The following PTPN1 variants were observed in gnomAD, a reference collection of about 807,000 sequenced individuals.
PTPN1 encodes the protein tyrosine-protein phosphatase non-receptor type 1.
A neutral mutation model predicts 59.9 loss-of-function variants in PTPN1; 12 were observed. The observed-to-expected ratio is 0.20, with a 90% confidence interval of 0.13 to 0.32. PTPN1 has a LOEUF of 0.32. Ranked by LOEUF, PTPN1 falls within the 10% of genes least tolerant of loss-of-function variation. The pLI is 1.00. For synonymous variants in PTPN1, 178 were observed against 203.6 expected (o/e 0.87, Z 1.07); for missense variants, 356 against 549.2 (o/e 0.65, Z 3.52).
intron 1 of PTPN1, among the ~76,000 whole-genome samples, chr20:50,520,778 C>T (rs2082547759): frequency 6.6e-6 from 1 of 152,108 alleles, no homozygotes; most frequent in African/African-American, 2.4e-5. Context: ...TGGAAGAAGA[C>T]GACTCAGGAA....
intron 6 of PTPN1, 53 bp downstream of exon 6, chr20:50,578,682 G>A (rs963846644): frequency 5.4e-6 from 8 of 1,475,706 alleles, no homozygotes; most frequent in South Asian, 1.2e-5. Context: ...GCTCTGCTGT[G>A]ATGTTTTTTC....
At position 50,510,499 on chromosome 20, in the gene PTPN1, A is replaced by G. The variant is rs1376059028; in HGVS notation, c.-29A>G. Reference sequence around the variant, plus strand: ...CGGCAGACGGCGCAGTGGGCCGAGAAGGAGGCGCAGCAGCCGCCCTGGCCC... The same window carrying G: ...CGGCAGACGGCGCAGTGGGCCGAGAGGGAGGCGCAGCAGCCGCCCTGGCCC... On this transcript the variant is annotated 5_prime_UTR_variant, in exon 1 of 10. Transcript: ENST00000371621. The G allele has an allele frequency of 2.6e-6, 4 of 1,547,868 alleles. No homozygotes were observed. In the South Asian group the frequency reaches 3.6e-5, roughly 14 times the overall value.
rs541392247 is a variant in PTPN1, at chr20:50,584,349, T to C, written c.*1634T>C. Reference sequence around the variant, plus strand: ...TTTTAAGTCCTGTATATGTATGTAGTAGTTTGGGTGTGTATATATAGTAGC... The same window carrying C: ...TTTTAAGTCCTGTATATGTATGTAGCAGTTTGGGTGTGTATATATAGTAGC... On this transcript the variant is annotated 3_prime_UTR_variant, in exon 10 of 10. Coordinates refer to ENST00000371621, the MANE Select transcript of PTPN1 (RefSeq NM_002827.4). The C allele has an allele frequency of 6.6e-6, 1 of 152,632 alleles. No homozygotes were observed. Among genetic ancestry groups the C allele is most frequent in the South Asian group, 2.1e-4 (1 of 4,828 alleles). 9.5% of individuals were successfully genotyped at this position (152,632 alleles called of 1,614,324 possible). A position where few individuals can be genotyped will look rare whatever the true frequency, so the allele number is the denominator to read the frequency against.
intron 5 of PTPN1, among the ~76,000 whole-genome samples, chr20:50,577,090 A>G (rs2082840516): frequency 6.6e-6 from 1 of 152,136 alleles, no homozygotes; most frequent in Admixed American, 6.5e-5. Context: ...GTGCCAAGAT[A>G]CTGTATTTAA....
intron 1 of PTPN1, among the ~76,000 whole-genome samples, chr20:50,528,208 T>G: frequency 6.6e-6 from 1 of 152,218 alleles, no homozygotes; most frequent in East Asian, 1.9e-4. Flanking sequence ...CAGGTCCAAG[T>G]TAACTGCCTT....
At chr20:50,554,515 G>A (rs1264134104) in intron 1 of PTPN1, among the ~76,000 whole-genome samples, 2 of 151,904 alleles carry the variant, frequency 1.3e-5, no homozygotes, top group African/African-American at 4.8e-5. Context: ...GAAGAGAAAT[G>A]ATAAAAGATG....
chr20:50,560,221 G>C (rs1484117793), intron 1 of PTPN1, among the ~76,000 whole-genome samples: 1 of 152,018 alleles, frequency 6.6e-6, no homozygotes, highest in African/African-American at 2.4e-5. Context: ...CCCATTTTTG[G>C]TGGAGCGCTC....
At chr20:50,574,295 TG>T in intron 4 of PTPN1, 1 of 503,348 alleles carries the variant, frequency 2.0e-6, no homozygotes, top group Non-Finnish European at 3.4e-6. Context: ...CCGATGGGTT[TG>T]GAAGTCTGAG....
intron 1 of PTPN1, among the ~76,000 whole-genome samples, chr20:50,549,897 A>T (rs1173621495): frequency 2.0e-5 from 3 of 152,084 alleles, no homozygotes; most frequent in African/African-American, 7.2e-5. Context: ...CATATATAGC[A>T]TTGCTTTTGA....
At chr20:50,569,739 TGTCCTGTGTAGACTGTCTCTGTAGACC>T (rs1192968006) in intron 4 of PTPN1, among the ~76,000 whole-genome samples, 1 of 152,194 alleles carries the variant, frequency 6.6e-6, no homozygotes, top group Non-Finnish European at 1.5e-5. Flanking sequence ...GTGTATAGAC[TGTCCTGTGTAGACTGTCTCTGTAGACC>T]GTCCTGTGTA....
At chr20:50,533,693 C>A (rs1160037529) in intron 1 of PTPN1, among the ~76,000 whole-genome samples, 5 of 152,018 alleles carry the variant, frequency 3.3e-5, no homozygotes, top group African/African-American at 7.3e-5. Context: ...CACCCTTGCC[C>A]CCCCCCAGAA....
chr20:50,547,942 A>G (rs1463847555), intron 1 of PTPN1, among the ~76,000 whole-genome samples: 1 of 152,230 alleles, frequency 6.6e-6, no homozygotes, highest in South Asian at 2.1e-4. Context: ...AAATGGCTGC[A>G]TAACTGTAGA....
At chr20:50,522,817 G>A (rs1416215763) in intron 1 of PTPN1, among the ~76,000 whole-genome samples, 3 of 152,102 alleles carry the variant, frequency 2.0e-5, no homozygotes, top group African/African-American at 4.8e-5. Context: ...GCAATGGCAC[G>A]ATCTCAGCTC....
At chr20:50,536,877 A>C (rs1201066804) in intron 1 of PTPN1, among the ~76,000 whole-genome samples, 2 of 152,080 alleles carry the variant, frequency 1.3e-5, no homozygotes, top group Admixed American at 6.6e-5. Flanking sequence ...GCTATATTTC[A>C]TGTTTACTGT....
chr20:50,555,762 C>T (rs1398242032), intron 1 of PTPN1, among the ~76,000 whole-genome samples: 2 of 151,660 alleles, frequency 1.3e-5, no homozygotes, highest in Non-Finnish European at 1.5e-5. Context: ...GGCATGCACA[C>T]ACACACACCA....
chr20:50,558,007 G>T (rs2082733429), intron 1 of PTPN1: 1 of 152,200 alleles, frequency 6.6e-6, no homozygotes, highest in Admixed American at 6.5e-5. Flanking sequence ...GTTAATTTTT[G>T]TGTTTTTTGT....
intron 1 of PTPN1, among the ~76,000 whole-genome samples, chr20:50,521,624 C>A (rs2082551626): frequency 6.6e-6 from 1 of 152,222 alleles, no homozygotes; most frequent in Admixed American, 6.5e-5. Context: ...TAGTTTTTGA[C>A]CTTTGCCTAG....
At chr20:50,529,775 G>A (rs1444535711) in intron 1 of PTPN1, among the ~76,000 whole-genome samples, 1 of 152,178 alleles carries the variant, frequency 6.6e-6, no homozygotes, top group African/African-American at 2.4e-5. Flanking sequence ...GACTAGGCAA[G>A]TTGGGCTTTA....
intron 4 of PTPN1, among the ~76,000 whole-genome samples, chr20:50,569,758 CTGTAGACCGTCCTGTGTAGATTGTCTG>C (rs1035226942): frequency 2.0e-5 from 3 of 151,986 alleles, no homozygotes; most frequent in Admixed American, 6.5e-5. Context: ...TAGACTGTCT[CTGTAGACCGTCCTGTGTAGATTGTCTG>C]TGTAGACCAT....
Sources: gnomAD v4.1 joint callset for allele counts (sites outside exome capture counted in the v4.1 genomes callset) on GRCh38, gnomAD v4.1.1 for gene constraint, MANE v1.5 for transcripts, NCBI Gene and HGNC (gene_info 2026-07-23, HGNC 2026-07-21) for gene names.